The following IMPG1 variants were observed in gnomAD, a reference collection of about 807,000 sequenced individuals.
IMPG1 encodes the protein interphotoreceptor matrix proteoglycan of 150 kDa.
A neutral mutation model predicts 92.0 loss-of-function variants in IMPG1; 85 were observed. The observed-to-expected ratio is 0.92, with a 90% CI of 0.78 to 1.11. IMPG1 has a LOEUF of 1.11. Ranked by LOEUF, IMPG1 falls within the 50% of genes least tolerant of loss-of-function variation. The pLI is 0.00. For missense variants in IMPG1, 1,022 were observed against 956.0 expected (o/e 1.07, Z -0.91); for synonymous variants, 367 against 334.1 (o/e 1.10, Z -1.08).
At chr6:76,034,488 G>T in intron 3 of IMPG1, 133 bp downstream of exon 3, 1 of 1,216,850 alleles carries the variant, frequency 8.2e-7, no homozygotes, top group Non-Finnish European at 1.2e-6. Flanking sequence ...ATTTCTATTG[G>T]CCTAATCAGA....
Position 75,988,032 on chromosome 6 carries a change from T to G in IMPG1, c.1291+14886A>C, listed in dbSNP as rs374983280. On this transcript the variant is annotated intron_variant, in intron 12 of 16. Coordinates refer to ENST00000369950, the MANE Select transcript of IMPG1 (RefSeq NM_001563.4). ...AATCCAGTCTATCATTGATGGACAT[T>G]TGGATTGGTTGCAAGTCTTTGCTAT... Among the ~76,000 whole-genome samples the G allele has an allele frequency of 9.3e-4, 141 of 152,316 alleles. 1 individual carries two copies. Among genetic ancestry groups the G allele is most frequent in the African/African-American group, 3.2e-3 (132 of 41,584 alleles).
At chr6:75,995,578 G>A (rs1377283131) in intron 12 of IMPG1, among the ~76,000 whole-genome samples, 6 of 152,252 alleles carry the variant, frequency 3.9e-5, no homozygotes, top group African/African-American at 1.2e-4. Context: ...GTTTCCTTAA[G>A]AGAGTCAATT....
intron 12 of IMPG1, among the ~76,000 whole-genome samples, chr6:76,002,028 T>C (rs1782999661): frequency 6.6e-6 from 1 of 152,196 alleles, no homozygotes; most frequent in Non-Finnish European, 1.5e-5. Flanking sequence ...ACTTGTAGAA[T>C]GTAGAGACCT....
chr6:76,041,074 G>T (rs963520251), intron 2 of IMPG1, among the ~76,000 whole-genome samples: 2 of 152,164 alleles, frequency 1.3e-5, no homozygotes, highest in Non-Finnish European at 2.9e-5. Context: ...AAGACTCAGA[G>T]AGACAAGATA....
chr6:76,011,368 C>A, intron 7 of IMPG1, 144 bp from the exon 8 acceptor site: 1 of 523,624 alleles, frequency 1.9e-6, no homozygotes, highest in Non-Finnish European at 3.4e-6. Context: ...AAAAACTCTC[C>A]AAATTGATCA....
rs114815354 is a variant in IMPG1 at position 76,048,363 on chromosome 6, G to T, written c.68-6237C>A. Among the ~76,000 whole-genome samples, 1,211 of 152,160 alleles carry T rather than the reference G, an allele frequency of 8.0e-3. 11 individuals carry two copies. The highest frequency in any genetic ancestry group is 0.028 in the African/African-American group (1,142 of 41,504). ...ACCTTCTTGCTGATTCTTTCTCTTA[G>T]CTGATGAGTTTGCTTCACATTTTAC... is the stretch of plus-strand genomic sequence containing the variant. On this transcript the variant is annotated intron_variant, in intron 1 of 16. Transcript: ENST00000369950.
At chr6:76,068,807 G>A (rs370828596) in intron 1 of IMPG1, among the ~76,000 whole-genome samples, 54 of 151,962 alleles carry the variant, frequency 3.6e-4, no homozygotes, top group East Asian at 1.2e-3. Context: ...GTGAGCCAAC[G>A]CACCAGGAAA....
At chr6:75,987,995 C>A (rs1328010260) in intron 12 of IMPG1, among the ~76,000 whole-genome samples, 1 of 152,148 alleles carries the variant, frequency 6.6e-6, no homozygotes, top group African/African-American at 2.4e-5. Flanking sequence ...TGTATACGTG[C>A]CACATTTTCT....
chr6:76,037,794 T>C (rs1279671541), intron 2 of IMPG1, among the ~76,000 whole-genome samples: 4 of 152,192 alleles, frequency 2.6e-5, no homozygotes, highest in Admixed American at 2.6e-4. Flanking sequence ...TTTGGTGACT[T>C]TCATGGACAA....
rs148571225 is a variant in IMPG1 at position 76,046,991 on chromosome 6, A to G, written c.68-4865T>C. On this transcript the variant is annotated intron_variant, in intron 1 of 16. Coordinates refer to ENST00000369950, the MANE Select transcript of IMPG1 (RefSeq NM_001563.4). ...TATCAGCAATAGCATGAAATCACAC[A>G]GTGTAAAATTAGACATATTTAGAAC... 4.3e-3 allele frequency among the ~76,000 whole-genome samples: 660 copies of G among 152,330 alleles called. 10 individuals are homozygous for G. Among genetic ancestry groups the G allele is most frequent in the African/African-American group, 0.015 (636 of 41,572 alleles).
At chr6:75,942,607 G>A (rs1297044237) in intron 14 of IMPG1, among the ~76,000 whole-genome samples, 2 of 152,158 alleles carry the variant, frequency 1.3e-5, no homozygotes, top group African/African-American at 2.4e-5. Flanking sequence ...GAGACAGCAC[G>A]ATCTGCTGGT....
chr6:75,977,945 G>A (rs1456059685), intron 12 of IMPG1, among the ~76,000 whole-genome samples: 1 of 151,932 alleles, frequency 6.6e-6, no homozygotes, highest in Non-Finnish European at 1.5e-5. Context: ...CTTAGAGATG[G>A]GGTCTTGCTT....
At position 75,950,620 on chromosome 6, in the gene IMPG1, T is replaced by C; in HGVS notation, c.1766A>G (p.Asp589Gly). ...LRVANMAFSN[D>G]LFNKSSLEYR... is the part of the protein sequence containing the mutation. Reference sequence around the variant, plus strand: ...CTCCAGAGAGCTCTTGTTGAACAGGTCGTTGGAGAAGGCCATGTTAGCAAC... The same window carrying C: ...CTCCAGAGAGCTCTTGTTGAACAGGCCGTTGGAGAAGGCCATGTTAGCAAC... The change falls in exon 13 of 17, where the codon GAC (aspartate) becomes GGC (glycine). Residue 589 changes from aspartate (D) to glycine (G), a missense_variant. Coordinates refer to ENST00000369950, the MANE Select transcript of IMPG1 (RefSeq NM_001563.4). The C allele has an allele frequency of 6.2e-7, 1 of 1,613,768 alleles. No homozygotes were observed. The highest frequency in any genetic ancestry group is 1.7e-5 in the Admixed American group (1 of 59,956).
chr6:76,037,846 G>C (rs1426108657), intron 2 of IMPG1, among the ~76,000 whole-genome samples: 1 of 152,222 alleles, frequency 6.6e-6, no homozygotes, highest in African/African-American at 2.4e-5. Flanking sequence ...ATCTGTGTGT[G>C]AAACATCGGG....
At chr6:75,924,594 T>A (rs1050722192) in intron 15 of IMPG1, among the ~76,000 whole-genome samples, 196 of 15,780 alleles carry the variant, frequency 0.012, 20 homozygotes, top group African/African-American at 0.025. Context: ...AATTATATAT[T>A]ATATATAATT....
At position 76,041,895 on chromosome 6, in the gene IMPG1, C is replaced by T. The variant is rs1327337180; in HGVS notation, c.299G>A (p.Arg100Lys). ...AACGGTTTCATCTCTTTCCTTACCT[C>T]TCAATCTATAATAAGCTTGAAGACT... is the stretch of plus-strand genomic sequence containing the variant. ...LDSLQAYYRL[R>K]VCQEAVWEAY... is the part of the protein sequence containing the mutation. Residue 100 changes from arginine (R) to lysine (K), a missense_variant and splice_region_variant, in exon 2 of 17, where the codon AGA (arginine) becomes AAA (lysine). This residue lies in a region of IMPG1 where 681 missense variants were observed against 583.6 expected (regional missense o/e 1.17). Transcript: ENST00000369950. 2 of 1,579,086 alleles carry T rather than the reference C, an allele frequency of 1.3e-6. No individual in the cohort carries two copies. The highest frequency in any genetic ancestry group is 1.1e-5 in the South Asian group (1 of 90,334).
chr6:75,944,080 T>C (rs1426703816), intron 14 of IMPG1, among the ~76,000 whole-genome samples: 1 of 152,224 alleles, frequency 6.6e-6, no homozygotes, highest in Non-Finnish European at 1.5e-5. Context: ...AGATGGTCAA[T>C]GTCCTGATCA....
At chr6:75,990,441 C>T (rs1440231356) in intron 12 of IMPG1, among the ~76,000 whole-genome samples, 1 of 152,032 alleles carries the variant, frequency 6.6e-6, no homozygotes, top group Non-Finnish European at 1.5e-5. Flanking sequence ...ATTGATGGGA[C>T]CTATTTAAAG....
chr6:75,992,103 G>A (rs1582090641), intron 12 of IMPG1, among the ~76,000 whole-genome samples: 1 of 152,176 alleles, frequency 6.6e-6, no homozygotes, highest in Non-Finnish European at 1.5e-5. Flanking sequence ...GCCTCAATAG[G>A]AAAAAGACTG....
Sources: allele counts gnomAD v4.1 joint callset (sites outside exome capture counted in the v4.1 genomes callset), GRCh38; gene constraint gnomAD v4.1.1; regional missense constraint gnomAD v4.1.1; transcripts MANE v1.5; gene names NCBI Gene and HGNC (gene_info 2026-07-23, HGNC 2026-07-21).